Variants in CNPY1 observed in about 807,000 individuals in gnomAD.
CNPY1 encodes the protein protein canopy homolog 1.
A neutral mutation model predicts 14.4 loss-of-function variants in CNPY1; 14 were observed. That is an observed-to-expected ratio of 0.97 (90% CI 0.64 to 1.52). The LOEUF (loss-of-function observed/expected upper bound fraction) is 1.52, where lower values mean the gene tolerates loss of function less well. Among genes scored for constraint, CNPY1 ranks in the 40% most tolerant of loss-of-function variants. The probability of loss-of-function intolerance (pLI) is 0.00; values close to 1 mark genes in which losing one functional copy is unlikely to be tolerated. For missense variants in CNPY1, 129 were observed against 131.5 expected (o/e 0.98, Z 0.09); for synonymous variants, 43 against 46.5 (o/e 0.92, Z 0.31).
intron 2 of CNPY1, among the ~76,000 whole-genome samples, chr7:155,534,985 T>C (rs749979816): frequency 1.3e-5 from 2 of 151,992 alleles, no homozygotes; most frequent in Non-Finnish European, 2.9e-5. Flanking sequence ...GGACCCCAGC[T>C]TGGGGAAAGG....
rs116086597 is a variant in CNPY1 at position 155,506,885 on chromosome 7, G to A, written c.400+135C>T. 374 of 644,630 alleles carry A rather than the reference G, an allele frequency of 5.8e-4. 3 individuals carry two copies. In the African/African-American group the frequency reaches 6.3e-3, roughly 11 times the overall value. The allele number at this position is 644,630 out of a possible 1,614,324, so 39.9% of individuals were successfully genotyped here. A position where few individuals can be genotyped will look rare whatever the true frequency, so the allele number is the denominator to read the frequency against. ...CACATGCTGTCGTTTCTGATTCAGC[G>A]GAGACGGGGGATCCTGTGTCAGAGC... On this transcript the variant is annotated intron_variant, in intron 4 of 4. Transcript: ENST00000636446.
At chr7:155,512,281 A>C (rs17837553) in intron 2 of CNPY1, among the ~76,000 whole-genome samples, 1 of 152,176 alleles carries the variant, frequency 6.6e-6, no homozygotes, top group African/African-American at 2.4e-5. Flanking sequence ...GTTTGGTACA[A>C]GTTATAAGTA....
chr7:155,534,520 T>C (rs1796999992), intron 2 of CNPY1, among the ~76,000 whole-genome samples: 1 of 152,228 alleles, frequency 6.6e-6, no homozygotes, highest in Admixed American at 6.5e-5. Context: ...CCTGGCCTGA[T>C]GACGTCAGGC....
At chr7:155,509,853 C>T (rs1796477329) in intron 2 of CNPY1, among the ~76,000 whole-genome samples, 1 of 152,218 alleles carries the variant, frequency 6.6e-6, no homozygotes. Flanking sequence ...ACCACCTCCG[C>T]CCCGGGCGCG....
rs946964252 is a variant in CNPY1, at chr7:155,540,854, C to G, written c.99+4977G>C. On this transcript the variant is annotated intron_variant, in intron 2 of 4. Coordinates refer to ENST00000636446, the MANE Select transcript of CNPY1 (RefSeq NM_001393663.1). ...GCAGCAGTGCATGCGTACCCTCATTCGGGAGGCCAGCCTTTCATCACTGGG... is the reference window on the plus strand; with the variant it reads ...GCAGCAGTGCATGCGTACCCTCATTGGGGAGGCCAGCCTTTCATCACTGGG... Among the ~76,000 whole-genome samples, 2 of 152,312 alleles carry G rather than the reference C, an allele frequency of 1.3e-5. 1 individual carries two copies.
At chr7:155,527,357 C>T (rs560027809) in intron 2 of CNPY1, among the ~76,000 whole-genome samples, 18 of 148,190 alleles carry the variant, frequency 1.2e-4, no homozygotes, top group Admixed American at 7.5e-4. Context: ...GGGAATGGAG[C>T]GGGGTCGGGA....
intron 2 of CNPY1, among the ~76,000 whole-genome samples, chr7:155,531,606 C>G (rs1196607939): frequency 6.6e-6 from 1 of 152,064 alleles, no homozygotes; most frequent in Non-Finnish European, 1.5e-5. Flanking sequence ...GGGGTTGTGC[C>G]CACAGAGACA....
intron 2 of CNPY1, among the ~76,000 whole-genome samples, chr7:155,542,123 C>T (rs555783699): frequency 6.6e-6 from 1 of 151,688 alleles, no homozygotes; most frequent in Non-Finnish European, 1.5e-5. Context: ...GTGGAGTATT[C>T]ACAACCCCTG....
At chr7:155,524,344 C>T (rs905918775) in intron 2 of CNPY1, among the ~76,000 whole-genome samples, 11 of 152,250 alleles carry the variant, frequency 7.2e-5, no homozygotes, top group Non-Finnish European at 4.4e-5. Flanking sequence ...CCTCAACCCC[C>T]AGGCCTTGGA....
intron 2 of CNPY1, among the ~76,000 whole-genome samples, chr7:155,515,430 G>A (rs991835478): frequency 2.0e-5 from 3 of 152,186 alleles, no homozygotes; most frequent in Non-Finnish European, 2.9e-5. Context: ...CTGCTGCAGG[G>A]TGCTGGGCTC....
intron 2 of CNPY1, among the ~76,000 whole-genome samples, chr7:155,525,506 C>G (rs1021759113): frequency 3.3e-5 from 5 of 152,180 alleles, no homozygotes; most frequent in Admixed American, 6.5e-5. Flanking sequence ...TGCAATGTTT[C>G]CCCCTCTTAA....
At chr7:155,541,785 G>A (rs1346400857) in intron 2 of CNPY1, among the ~76,000 whole-genome samples, 1 of 152,214 alleles carries the variant, frequency 6.6e-6, no homozygotes, top group African/African-American at 2.4e-5. Flanking sequence ...TTCCCAGGAA[G>A]GGAAGTCTTC....
At chr7:155,521,256 G>A (rs1274095523) in intron 2 of CNPY1, among the ~76,000 whole-genome samples, 1 of 152,150 alleles carries the variant, frequency 6.6e-6, no homozygotes, top group Admixed American at 6.5e-5. Context: ...CATGCATTCC[G>A]TAAACTCCAC....
At chr7:155,509,742 G>A (rs1163858202) in intron 2 of CNPY1, among the ~76,000 whole-genome samples, 2 of 152,178 alleles carry the variant, frequency 1.3e-5, no homozygotes, top group African/African-American at 4.8e-5. Context: ...CCATCTCCCA[G>A]GCGGGCTCCT....
In CNPY1 at chr7:155,509,150, A is replaced by G. The variant is rs531440699; in HGVS notation, c.100-53T>C. ...TTGTCTTAATGTTAATGTTACTTCA[A>G]AGACCTTCCGGCGAGTCCACATGGA... On this transcript the variant is annotated intron_variant, in intron 2 of 4. Coordinates refer to ENST00000636446, the MANE Select transcript of CNPY1 (RefSeq NM_001393663.1). 9.6e-5 allele frequency: 106 copies of G among 1,105,458 alleles called. 1 individual carries two copies. Among genetic ancestry groups the G allele is most frequent in the South Asian group, 8.5e-4 (53 of 62,580 alleles). The allele number at this position is 1,105,458 out of a possible 1,614,324, so 68.5% of individuals were successfully genotyped here.
chr7:155,541,338 T>A lies in CNPY1; in HGVS notation c.99+4493A>T, dbSNP rs113527601. 1.6e-3 allele frequency among the ~76,000 whole-genome samples: 248 copies of A among 152,284 alleles called. 1 individual carries two copies. Among genetic ancestry groups the A allele is most frequent in the African/African-American group, 5.7e-3 (235 of 41,564 alleles). ...CTAAAATCCTTGGCTAGGGAGAATGTTTCCAACAGAGCAAGGCAGTCAGTC... is the reference window on the plus strand; with the variant it reads ...CTAAAATCCTTGGCTAGGGAGAATGATTCCAACAGAGCAAGGCAGTCAGTC... On this transcript the variant is annotated intron_variant, in intron 2 of 4. Coordinates refer to ENST00000636446, the MANE Select transcript of CNPY1 (RefSeq NM_001393663.1).
chr7:155,520,428 C>CTTTTTTTTTTTTTTTTTTTTTTTTTTTTT (rs71522007), intron 2 of CNPY1, among the ~76,000 whole-genome samples: 1 of 69,410 alleles, frequency 1.4e-5, no homozygotes. Context: ...TTCTTTCTTT[C>CTTTTTTTTTTTTTTTTTTTTTTTTTTTTT]TTTTTTTTTT....
Position 155,507,101 on chromosome 7 carries a change from C to G in CNPY1, c.319G>C (p.Glu107Gln), listed in dbSNP as rs775028734. Residue 107 changes from glutamate (E) to glutamine (Q), a missense_variant, in exon 4 of 5, where the codon GAA becomes CAA. By Grantham distance (29) the Glu-to-Gln change is conservative. Transcript: ENST00000636446. ...PLKFACETII[E>Q]EYEDEISSLI... ...GAGGATATTTCATCTTCATACTCTT[C>G]TATTATAGTTTCACACTGTAGAAAC... 1.2e-6 allele frequency: 2 copies of G among 1,602,922 alleles called. No homozygotes were observed. The highest frequency in any genetic ancestry group is 2.7e-5 in the African/African-American group (2 of 74,664).
At chr7:155,543,122 G>A (rs1392921775) in intron 2 of CNPY1, among the ~76,000 whole-genome samples, 1 of 152,200 alleles carries the variant, frequency 6.6e-6, no homozygotes, top group Admixed American at 6.5e-5. Context: ...GACACGGCCT[G>A]TGTTTCTTTC....
Sources: gnomAD v4.1 joint callset for allele counts (sites outside exome capture counted in the v4.1 genomes callset) on GRCh38, gnomAD v4.1.1 for gene constraint, MANE v1.5 for transcripts, NCBI Gene and HGNC (gene_info 2026-07-23, HGNC 2026-07-21) for gene names.